HSD17B2: variants seen among roughly 807,000 people sequenced by gnomAD.
HSD17B2 encodes 17-beta-hydroxysteroid dehydrogenase type 2.
HSD17B2 carries 32 observed loss-of-function variants against 26.9 expected under a neutral mutation model. That is an observed-to-expected ratio of 1.19 (90% CI 0.90 to 1.60). The LOEUF is 1.60. Ranked by LOEUF, HSD17B2 falls within the 40% of genes most tolerant of loss-of-function variation. The probability of loss-of-function intolerance (pLI) is 0.00; values close to 1 mark genes in which losing one functional copy is unlikely to be tolerated. For synonymous variants in HSD17B2, 246 were observed against 186.7 expected (o/e 1.32, Z -2.59); for missense variants, 613 against 468.6 (o/e 1.31, Z -2.85).
Position 82,068,200 on chromosome 16 carries a change from G to GC in HSD17B2, c.297dup (p.Lys100GlnfsTer5). On this transcript the variant is annotated frameshift_variant, in exon 2 of 5. Transcript: ENST00000199936. LOFTEE classifies it high-confidence loss of function. ...GATTGCGGGCTTGGCCATGCTTTGT[G>GC]CAAGTATCTGGATGAGCTGGGCTTC... 6.2e-7 allele frequency: 1 copy of GC among 1,614,154 alleles called. No homozygotes were observed. Among genetic ancestry groups the GC allele is most frequent in the Non-Finnish European group, 8.5e-7 (1 of 1,180,034 alleles).
At position 82,035,402 on chromosome 16, in the gene HSD17B2, G is replaced by C. The variant is rs751583211; in HGVS notation, c.-23G>C. On this transcript the variant is annotated 5_prime_UTR_variant, in exon 1 of 5. An upstream open reading frame in the 5' UTR loses its in-frame stop. Transcript: ENST00000199936. ...CTAGACTCACTGGCCCTGAGCACTT[G>C]AAGGTGCAGCAAGTCACTGAGAATG... 14 of 1,601,184 alleles carry C rather than the reference G, an allele frequency of 8.7e-6. No homozygotes were observed. The highest frequency in any genetic ancestry group is 1.1e-5 in the Non-Finnish European group (13 of 1,172,046).
At chr16:82,053,025 C>T (rs1417001187) in intron 1 of HSD17B2, among the ~76,000 whole-genome samples, 1 of 152,214 alleles carries the variant, frequency 6.6e-6, no homozygotes. Context: ...CCATTATGAC[C>T]TTATCTAGAC....
chr16:82,080,326 G>A (rs1235424780), intron 3 of HSD17B2, among the ~76,000 whole-genome samples: 1 of 152,182 alleles, frequency 6.6e-6, no homozygotes, highest in African/African-American at 2.4e-5. Flanking sequence ...TTGAGATGAG[G>A]AGGTTATCCT....
chr16:82,043,385 T>C (rs1262958085), intron 1 of HSD17B2, among the ~76,000 whole-genome samples: 2 of 152,126 alleles, frequency 1.3e-5, no homozygotes, highest in Non-Finnish European at 2.9e-5. Flanking sequence ...CTTTAGGGTT[T>C]ATAAAAATCA....
chr16:82,051,287 C>T (rs936205800), intron 1 of HSD17B2, among the ~76,000 whole-genome samples: 3 of 152,172 alleles, frequency 2.0e-5, no homozygotes, highest in Admixed American at 1.3e-4. Flanking sequence ...AATGCATGCA[C>T]GCATGAATGA....
intron 3 of HSD17B2, among the ~76,000 whole-genome samples, chr16:82,083,150 C>A (rs778034310): frequency 1.3e-5 from 2 of 152,172 alleles, no homozygotes; most frequent in Non-Finnish European, 1.5e-5. Context: ...TAACCCATGT[C>A]TTCTAAATAC....
At chr16:82,071,253 G>T (rs773283154) in intron 3 of HSD17B2, 126 bp downstream of exon 3, 1 of 849,164 alleles carries the variant, frequency 1.2e-6, no homozygotes, top group African/African-American at 1.6e-5. Context: ...TAGTCAAATT[G>T]TATATACCCT....
At chr16:82,092,050 G>A (rs895476357) in intron 4 of HSD17B2, 2 of 152,054 alleles carry the variant, frequency 1.3e-5, no homozygotes, top group African/African-American at 4.8e-5. Context: ...TATTTTCATT[G>A]CCCCACCCAA....
chr16:82,057,224 G>C (rs1393780332), intron 1 of HSD17B2, among the ~76,000 whole-genome samples: 1 of 149,612 alleles, frequency 6.7e-6, no homozygotes, highest in East Asian at 1.9e-4. Context: ...TTTTGAGAGA[G>C]AGTCCCCCTC....
At chr16:82,038,653 A>G (rs1913685534) in intron 1 of HSD17B2, among the ~76,000 whole-genome samples, 1 of 152,230 alleles carries the variant, frequency 6.6e-6, no homozygotes, top group Non-Finnish European at 1.5e-5. Flanking sequence ...GAAGACACAC[A>G]GGCTTGGGTT....
At chr16:82,037,066 C>A (rs1242090074) in intron 1 of HSD17B2, among the ~76,000 whole-genome samples, 4 of 152,178 alleles carry the variant, frequency 2.6e-5, no homozygotes, top group Admixed American at 2.6e-4. Context: ...AAAATATGCA[C>A]CCAACTCAGT....
chr16:82,041,975 C>T (rs115785112), intron 1 of HSD17B2, among the ~76,000 whole-genome samples: 3,038 of 151,692 alleles, frequency 0.02, 52 homozygotes, highest in South Asian at 0.067. Flanking sequence ...CTCTTGTGAT[C>T]CTTTTCCCTT....
chr16:82,097,913 G>A, intron 4 of HSD17B2, 162 bp from the exon 5 acceptor site: 1 of 596,798 alleles, frequency 1.7e-6, no homozygotes, highest in Non-Finnish European at 2.6e-6. Flanking sequence ...ACTTAAGCCT[G>A]AGAGACAGAG....
chr16:82,098,507 T>C lies in HSD17B2; in HGVS notation c.*71T>C. 2.0e-6 allele frequency: 3 copies of C among 1,487,710 alleles called. No homozygotes were observed. The highest frequency in any genetic ancestry group is 1.4e-5 in the South Asian group (1 of 73,694). The allele number at this position is 1,487,710 out of a possible 1,614,324, so 92.2% of individuals were successfully genotyped here. On this transcript the variant is annotated 3_prime_UTR_variant, in exon 5 of 5. Transcript: ENST00000199936. ...GAAAGGGAAACTGGGAAACTGGGTT[T>C]CTCATTAAAGTTGTTTCCCACTCTG...
In HSD17B2 at chr16:82,059,339, C is replaced by T. The variant is rs8191098; in HGVS notation, c.266-8831C>T. The stretch of plus-strand genomic sequence containing the variant: ...TGTGTTGTGACAACCAAAAATGTTT[C>T]CAGACATTGCCAGATATTCCCCAGG... On this transcript the variant is annotated intron_variant, in intron 1 of 4. Coordinates refer to ENST00000199936, the MANE Select transcript of HSD17B2 (RefSeq NM_002153.3). Among the ~76,000 whole-genome samples the T allele has an allele frequency of 2.6e-5, 4 of 152,308 alleles. No homozygotes were observed. In the East Asian group the frequency reaches 7.7e-4, roughly 29 times the overall value.
intron 4 of HSD17B2, chr16:82,091,455 T>A: frequency 4.5e-6 from 1 of 221,536 alleles, no homozygotes; most frequent in Non-Finnish European, 9.0e-6. Flanking sequence ...TCCAAAGGAA[T>A]GGCTCTCAGA....
chr16:82,069,781 A>G (rs1914655622), intron 2 of HSD17B2, among the ~76,000 whole-genome samples: 2 of 152,160 alleles, frequency 1.3e-5, no homozygotes, highest in African/African-American at 4.8e-5. Context: ...GCAAAATGAA[A>G]ACATGGGGCC....
rs1297777091 is a variant in HSD17B2 at position 82,035,501 on chromosome 16, A to G, written c.77A>G (p.Lys26Arg). The G allele has an allele frequency of 6.2e-7, 1 of 1,614,074 alleles. No homozygotes were observed. Among genetic ancestry groups the G allele is most frequent in the Admixed American group, 1.7e-5 (1 of 60,016 alleles). The change falls in exon 1 of 5, where the codon AAA becomes AGA. Residue 26 changes from lysine (K) to arginine (R), a missense_variant. Lys to Arg is a conservative substitution (Grantham distance 26). Coordinates refer to ENST00000199936, the MANE Select transcript of HSD17B2 (RefSeq NM_002153.3). ...PTVLCGTVFCKYKKSSGQLWS... is the reference protein window; with the variant it reads ...PTVLCGTVFCRYKKSSGQLWS... ...GTACTATGTGGGACAGTATTTTGCA[A>G]ATACAAGAAGAGCTCAGGGCAGCTG...
At chr16:82,097,628 T>C (rs1904889489) in intron 4 of HSD17B2, 2 of 152,534 alleles carry the variant, frequency 1.3e-5, no homozygotes. Flanking sequence ...AATGCCATTA[T>C]AAAGCACACA....
Sources: gnomAD v4.1 joint callset for allele counts (sites outside exome capture counted in the v4.1 genomes callset) on GRCh38, gnomAD v4.1.1 for gene constraint, MANE v1.5 for transcripts, NCBI Gene and HGNC (gene_info 2026-07-23, HGNC 2026-07-21) for gene names.